ARB2A: variants seen among roughly 807,000 people sequenced by gnomAD.
The protein encoded by ARB2A is ARB2 cotranscriptional regulator A.
chr5:93,678,274 G>A, the ARB2A span, among the ~76,000 whole-genome samples: 2 of 152,258 alleles, frequency 1.3e-5, no homozygotes, highest in African/African-American at 4.8e-5. Context: ...CGTATCAAAT[G>A]TAAAAGACAA....
the ARB2A span, among the ~76,000 whole-genome samples, chr5:93,669,486 T>C: frequency 9.5e-6 from 1 of 104,860 alleles, no homozygotes; most frequent in Non-Finnish European, 2.1e-5. Flanking sequence ...TACTCAGCCA[T>C]TTAAAAAAAG....
chr5:94,064,683 A>G, the ARB2A span, among the ~76,000 whole-genome samples: 1 of 152,236 alleles, frequency 6.6e-6, no homozygotes, highest in Admixed American at 6.5e-5. Flanking sequence ...ATGGGATAAC[A>G]TATTCAAAGT....
chr5:93,875,649 GACT>G, the ARB2A span, among the ~76,000 whole-genome samples: 1 of 152,200 alleles, frequency 6.6e-6, no homozygotes, highest in Non-Finnish European at 1.5e-5. Context: ...TGCCTTCAAT[GACT>G]ACAAGCTTTA....
chr5:93,627,689 T>G, the ARB2A span, among the ~76,000 whole-genome samples: 1 of 152,110 alleles, frequency 6.6e-6, no homozygotes, highest in African/African-American at 2.4e-5. Flanking sequence ...ATCTGCCCGC[T>G]TTGGCTTCCC....
chr5:93,809,595 G>A, the ARB2A span, among the ~76,000 whole-genome samples: 14 of 151,666 alleles, frequency 9.2e-5, no homozygotes, highest in Non-Finnish European at 1.5e-4. Context: ...ATTTTATGTG[G>A]GGAAAGCATA....
At chr5:93,823,146 T>TA in the ARB2A span, among the ~76,000 whole-genome samples, 2 of 152,318 alleles carry the variant, frequency 1.3e-5, no homozygotes, top group African/African-American at 4.8e-5. Flanking sequence ...TTAACTATTT[T>TA]ATGGTAGGAT....
the ARB2A span, among the ~76,000 whole-genome samples, chr5:93,977,767 G>C: frequency 6.9e-4 from 105 of 152,102 alleles, no homozygotes; most frequent in African/African-American, 2.4e-3. Context: ...TTGACAACTG[G>C]GACCTAATTA....
chr5:93,785,658 C>A, the ARB2A span, among the ~76,000 whole-genome samples: 1 of 152,054 alleles, frequency 6.6e-6, no homozygotes, highest in Non-Finnish European at 1.5e-5. Context: ...AATGGGAACC[C>A]AACTCACTGT....
At chr5:94,022,988 C>T in the ARB2A span, among the ~76,000 whole-genome samples, 2 of 152,170 alleles carry the variant, frequency 1.3e-5, no homozygotes, top group Admixed American at 6.5e-5. Flanking sequence ...CCCACATCAC[C>T]TCAACACTCA....
At chr5:93,886,709 C>T in the ARB2A span, among the ~76,000 whole-genome samples, 1 of 151,472 alleles carries the variant, frequency 6.6e-6, no homozygotes, top group African/African-American at 2.4e-5. Flanking sequence ...AAAAATGCCC[C>T]CTCCATTATT....
the ARB2A span, among the ~76,000 whole-genome samples, chr5:93,933,379 A>T: frequency 1.3e-5 from 2 of 152,192 alleles, no homozygotes; most frequent in African/African-American, 4.8e-5. Context: ...ACTATTCACA[A>T]TAGCAAAGAC....
At chr5:94,081,919 T>C in the ARB2A span, among the ~76,000 whole-genome samples, 6 of 152,142 alleles carry the variant, frequency 3.9e-5, no homozygotes, top group Non-Finnish European at 8.8e-5. Flanking sequence ...TTACGTTCTA[T>C]AAAACAGAAG....
chr5:93,940,481 A>C, the ARB2A span, among the ~76,000 whole-genome samples: 6 of 151,940 alleles, frequency 3.9e-5, no homozygotes, highest in Non-Finnish European at 7.4e-5. Context: ...TAAATCTTTA[A>C]CTTATAATTA....
chr5:93,939,532 AT>A, the ARB2A span, among the ~76,000 whole-genome samples: 1 of 152,104 alleles, frequency 6.6e-6, no homozygotes, highest in Non-Finnish European at 1.5e-5. Context: ...ACTGAAACTT[AT>A]TACAAAAGGA....
the ARB2A span, among the ~76,000 whole-genome samples, chr5:93,959,972 T>C: frequency 6.6e-6 from 1 of 151,720 alleles, no homozygotes; most frequent in Non-Finnish European, 1.5e-5. Flanking sequence ...CTGGTACTCT[T>C]ACATAAAGAA....
the ARB2A span, among the ~76,000 whole-genome samples, chr5:93,764,066 T>A: frequency 6.6e-6 from 1 of 152,154 alleles, no homozygotes; most frequent in Admixed American, 6.5e-5. Context: ...GAGGGAAATT[T>A]ATAGCAATAA....
the ARB2A span, among the ~76,000 whole-genome samples, chr5:93,995,008 CA>C: frequency 3.3e-5 from 5 of 151,480 alleles, no homozygotes; most frequent in African/African-American, 9.7e-5. Flanking sequence ...ATAAAATATA[CA>C]AAAAAAATCT....
At chr5:93,656,038 C>G in the ARB2A span, among the ~76,000 whole-genome samples, 2 of 152,212 alleles carry the variant, frequency 1.3e-5, no homozygotes, top group African/African-American at 4.8e-5. Context: ...TATGTCTGCA[C>G]TGTGTCTCCT....
At chr5:93,957,498 A>G in the ARB2A span, among the ~76,000 whole-genome samples, 1 of 152,270 alleles carries the variant, frequency 6.6e-6, no homozygotes, top group Non-Finnish European at 1.5e-5. Flanking sequence ...CAGTTTAAAC[A>G]TAATATTTTA....
Sources: allele counts gnomAD v4.1 joint callset (sites outside exome capture counted in the v4.1 genomes callset), GRCh38; gene constraint gnomAD v4.1.1; transcripts MANE v1.5; gene names NCBI Gene and HGNC (gene_info 2026-07-23, HGNC 2026-07-21).